VPS35L: variants seen among roughly 807,000 people sequenced by gnomAD.
VPS35L encodes the protein VPS35 endosomal protein sorting factor like, also known as VPS35 endosomal protein-sorting factor-like.
Under a neutral mutation model 133.0 loss-of-function variants are expected in VPS35L, and 83 were observed. That is an observed-to-expected ratio of 0.62 (90% CI 0.52 to 0.75). VPS35L has a LOEUF of 0.75. Ranked by LOEUF, VPS35L falls within the 30% of genes least tolerant of loss-of-function variation. The probability of loss-of-function intolerance (pLI) is 0.00; values close to 1 mark genes in which losing one functional copy is unlikely to be tolerated. For missense variants in VPS35L, 1,083 were observed against 1,206.8 expected (o/e 0.90, Z 1.52); for synonymous variants, 423 against 449.9 (o/e 0.94, Z 0.76).
chr16:19,558,307 G>A (rs1006661886), intron 1 of VPS35L, among the ~76,000 whole-genome samples: 1 of 152,176 alleles, frequency 6.6e-6, no homozygotes, highest in African/African-American at 2.4e-5. Context: ...CCCATGTTGC[G>A]GAGGAAGAAA....
chr16:19,623,811 ATTATTG>A (rs550562628), intron 14 of VPS35L, among the ~76,000 whole-genome samples: 11,200 of 73,114 alleles, frequency 0.15, 1,048 homozygotes, highest in African/African-American at 0.33. Context: ...TATTATTATT[ATTATTG>A]TTTTAAGACA....
In VPS35L at chr16:19,622,167, C is replaced by T. The variant is rs530080795; in HGVS notation, c.1225-4010C>T. ...TTTTTTTTTTTTTTTTTTTTTAAGACGGAGTCCTGCTCTGTCACCCAGGCT... is the reference window on the plus strand; with the variant it reads ...TTTTTTTTTTTTTTTTTTTTTAAGATGGAGTCCTGCTCTGTCACCCAGGCT... On this transcript the variant is annotated intron_variant, in intron 14 of 30. Transcript: ENST00000417362. Among the ~76,000 whole-genome samples, 317 of 107,462 alleles carry T rather than the reference C, an allele frequency of 2.9e-3. 6 individuals carry two copies. The highest frequency in any genetic ancestry group is 9.5e-3 in the African/African-American group (268 of 28,126). The allele number at this position is 107,462 out of a possible 152,430, so 70.5% of individuals were successfully genotyped here.
chr16:19,669,916 C>A (rs945918620), intron 27 of VPS35L, among the ~76,000 whole-genome samples: 1 of 152,142 alleles, frequency 6.6e-6, no homozygotes, highest in Non-Finnish European at 1.5e-5. Context: ...GGTGATCCAC[C>A]TGCCTTGGCC....
intron 27 of VPS35L, among the ~76,000 whole-genome samples, chr16:19,669,601 C>T (rs952934997): frequency 6.6e-6 from 1 of 151,828 alleles, no homozygotes; most frequent in African/African-American, 2.4e-5. Context: ...ATCAGGGTGC[C>T]AGTCTGGTTG....
chr16:19,660,581 A>G (rs539103434), intron 26 of VPS35L, among the ~76,000 whole-genome samples: 4 of 152,306 alleles, frequency 2.6e-5, no homozygotes, highest in African/African-American at 7.2e-5. Context: ...CAAAATGCCA[A>G]TTTTGAAGGT....
intron 8 of VPS35L, among the ~76,000 whole-genome samples, chr16:19,596,513 C>T (rs924499385): frequency 7.9e-5 from 12 of 151,834 alleles, no homozygotes; most frequent in African/African-American, 2.9e-4. Flanking sequence ...GGAGTCAAGC[C>T]ATCCTCCCAC....
Position 19,682,102 on chromosome 16 carries a change from G to GT in VPS35L, c.2362-122dup. ...TGTGAGTGGGTCTTGCCTTTGTTCA[G>GT]TAACTGACAACGTTAATTTCTCTAC... On this transcript the variant is annotated intron_variant, in intron 27 of 30. Transcript: ENST00000417362. 7.1e-6 allele frequency: 8 copies of GT among 1,125,750 alleles called. No individual in the cohort carries two copies. In the Admixed American group the frequency reaches 1.7e-4, roughly 25 times the overall value. The allele number at this position is 1,125,750 out of a possible 1,614,324, so 69.7% of individuals were successfully genotyped here.
intron 7 of VPS35L, chr16:19,587,417 G>A (rs1285314565): frequency 1.1e-5 from 5 of 435,558 alleles, no homozygotes; most frequent in Non-Finnish European, 1.8e-5. Context: ...ATCAGCTGAG[G>A]TCGGGAGTTT....
intron 24 of VPS35L, among the ~76,000 whole-genome samples, 157 bp downstream of exon 24, chr16:19,648,039 G>A (rs748444281): frequency 6.6e-6 from 1 of 152,054 alleles, no homozygotes; most frequent in Non-Finnish European, 1.5e-5. Flanking sequence ...CTGTAGCCTT[G>A]AACTCCTGGG....
chr16:19,690,961 CA>C (rs112601797), intron 28 of VPS35L, among the ~76,000 whole-genome samples: 34,783 of 130,682 alleles, frequency 0.27, 4,288 homozygotes, highest in African/African-American at 0.35. Flanking sequence ...GACTCCGTCT[CA>C]AAAAAAAAAA....
chr16:19,636,778 G>T (rs1228715943), intron 19 of VPS35L, among the ~76,000 whole-genome samples: 2 of 152,162 alleles, frequency 1.3e-5, no homozygotes, highest in African/African-American at 2.4e-5. Flanking sequence ...TTTAGAAACC[G>T]CATCTTCTTG....
chr16:19,640,843 C>T (rs975636851), intron 21 of VPS35L, among the ~76,000 whole-genome samples: 4 of 152,130 alleles, frequency 2.6e-5, no homozygotes, highest in Admixed American at 6.5e-5. Context: ...CCTTCTCATG[C>T]TCAGGTGATC....
intron 6 of VPS35L, 67 bp from the exon 7 acceptor site, chr16:19,581,458 C>T: frequency 1.4e-6 from 2 of 1,429,888 alleles, no homozygotes; most frequent in Non-Finnish European, 1.8e-6. Context: ...ACCTAGTATT[C>T]TTTATAAGGG....
intron 27 of VPS35L, among the ~76,000 whole-genome samples, chr16:19,669,867 C>A (rs376169148): frequency 5.5e-4 from 84 of 152,104 alleles, no homozygotes; most frequent in African/African-American, 1.6e-3. Flanking sequence ...GATGGAGTTT[C>A]ACCATGTTGT....
chr16:19,622,481 C>T (rs1490607828), intron 14 of VPS35L, among the ~76,000 whole-genome samples: 2 of 151,948 alleles, frequency 1.3e-5, no homozygotes, highest in African/African-American at 2.4e-5. Flanking sequence ...ACTCAAGTCT[C>T]ACAGTCTCAC....
intron 29 of VPS35L, among the ~76,000 whole-genome samples, chr16:19,696,806 T>C (rs1975928754): frequency 6.6e-6 from 1 of 152,226 alleles, no homozygotes; most frequent in Admixed American, 6.5e-5. Flanking sequence ...TTAGGTATTG[T>C]GCTGCTTGTC....
intron 14 of VPS35L, chr16:19,617,251 A>AG: frequency 3.1e-6 from 1 of 327,708 alleles, no homozygotes; most frequent in South Asian, 3.8e-5. Flanking sequence ...CCAGCTACTC[A>AG]GGAGGCTGAG....
rs199864635 is a variant in VPS35L, at chr16:19,616,672, T to C, written c.1102-14T>C. The stretch of plus-strand genomic sequence containing the variant: ...TTCCCCTCCTTTTCTAAGTGTTTGT[T>C]TGGCCTCCTGTAGATTCATGGGGAT... On this transcript the variant is annotated splice_polypyrimidine_tract_variant and intron_variant, in intron 13 of 30. Transcript: ENST00000417362. 322 of 1,611,226 alleles carry C rather than the reference T, an allele frequency of 2.0e-4. No homozygotes were observed. Among genetic ancestry groups the C allele is most frequent in the Middle Eastern group, 5.0e-4 (3 of 6,044 alleles).
chr16:19,573,178 G>A lies in VPS35L; in HGVS notation c.345G>A (p.Glu115=). ...DDNSVVGSDF[E]PWTNKRGEIL... is the part of the protein sequence containing the mutation. ...ACTCCGTTGTAGGATCGGATTTTGA[G>A]CCTTGGACCAACAAACGGGGAGAAA... The change falls in exon 4 of 31, where the codon GAG becomes GAA. Residue 115 remains glutamate (E), a synonymous_variant. Coordinates refer to ENST00000417362, the MANE Select transcript of VPS35L (RefSeq NM_020314.7). The A allele has an allele frequency of 6.2e-7, 1 of 1,613,992 alleles. No individual in the cohort carries two copies. Among genetic ancestry groups the A allele is most frequent in the African/African-American group, 1.3e-5 (1 of 75,016 alleles).
Sources: allele counts gnomAD v4.1 joint callset (sites outside exome capture counted in the v4.1 genomes callset), GRCh38; gene constraint gnomAD v4.1.1; transcripts MANE v1.5; gene names NCBI Gene and HGNC (gene_info 2026-07-23, HGNC 2026-07-21).